The following NLGN1 variants were observed in gnomAD, a reference collection of about 807,000 sequenced individuals.
The protein encoded by NLGN1 is neuroligin-1.
NLGN1 carries 12 observed loss-of-function variants against 65.5 expected under a neutral mutation model. The observed-to-expected ratio is 0.18, with a 90% CI of 0.12 to 0.30. The LOEUF (loss-of-function observed/expected upper bound fraction) is 0.30, where lower values mean the gene tolerates loss of function less well. Ranked by LOEUF, NLGN1 falls within the 10% of genes least tolerant of loss-of-function variation. The pLI is 1.00. For synonymous variants in NLGN1, 350 were observed against 359.5 expected (o/e 0.97, Z 0.30); for missense variants, 750 against 1,007.1 (o/e 0.74, Z 3.46).
exon 3 of NLGN1, chr3:173,604,607 G>T (rs1751070032): frequency 6.2e-7 from 1 of 1,613,338 alleles, no homozygotes; most frequent in Admixed American, 1.7e-5. Flanking sequence ...CCATGGCACT[G>T]CCCAGATGCA....
At chr3:173,463,238 T>C (rs563255614) in intron 2 of NLGN1, among the ~76,000 whole-genome samples, 50 of 152,352 alleles carry the variant, frequency 3.3e-4, no homozygotes, top group Non-Finnish European at 5.9e-4. Context: ...AACTATACTT[T>C]CCCTTAAAAG....
chr3:173,869,066 G>C (rs1228370282), intron 4 of NLGN1, among the ~76,000 whole-genome samples: 1 of 152,098 alleles, frequency 6.6e-6, no homozygotes, highest in Non-Finnish European at 1.5e-5. Context: ...TTTACTAAAT[G>C]ATATTCCATA....
At chr3:174,201,243 G>A (rs1734396332) in intron 4 of NLGN1, among the ~76,000 whole-genome samples, 1 of 145,262 alleles carries the variant, frequency 6.9e-6, no homozygotes, top group Admixed American at 7.1e-5. Context: ...ACCCTCTTTC[G>A]AAAAGAACAG....
At chr3:174,131,248 T>A (rs1299357170) in intron 4 of NLGN1, among the ~76,000 whole-genome samples, 2 of 152,202 alleles carry the variant, frequency 1.3e-5, no homozygotes, top group African/African-American at 4.8e-5. Flanking sequence ...ATACCTATTA[T>A]TTTATCTGAC....
chr3:173,459,991 C>A (rs762227673), intron 2 of NLGN1, among the ~76,000 whole-genome samples: 2 of 151,818 alleles, frequency 1.3e-5, no homozygotes, highest in African/African-American at 2.4e-5. Context: ...ATTGACAATG[C>A]AGAATTATTT....
intron 3 of NLGN1, among the ~76,000 whole-genome samples, chr3:173,728,897 T>C (rs1162974444): frequency 1.3e-5 from 2 of 152,074 alleles, no homozygotes; most frequent in African/African-American, 4.8e-5. Flanking sequence ...TAAATTTCTC[T>C]CATTTTAAGC....
At chr3:173,902,345 G>T (rs1737531840) in intron 4 of NLGN1, among the ~76,000 whole-genome samples, 1 of 152,040 alleles carries the variant, frequency 6.6e-6, no homozygotes, top group South Asian at 2.1e-4. Flanking sequence ...TCCTCAACTG[G>T]TGAGGATTTC....
At chr3:174,115,494 C>T (rs977807211) in intron 4 of NLGN1, among the ~76,000 whole-genome samples, 1 of 152,118 alleles carries the variant, frequency 6.6e-6, no homozygotes, top group Non-Finnish European at 1.5e-5. Flanking sequence ...ATGTGTTACA[C>T]AGATATATAA....
chr3:173,697,809 C>T (rs540187528), intron 3 of NLGN1, among the ~76,000 whole-genome samples: 21 of 152,152 alleles, frequency 1.4e-4, no homozygotes, highest in African/African-American at 3.4e-4. Flanking sequence ...GGATTACAGG[C>T]GTGAGCCACT....
intron 4 of NLGN1, among the ~76,000 whole-genome samples, chr3:173,875,223 A>G (rs532507241): frequency 9.8e-5 from 15 of 152,292 alleles, no homozygotes; most frequent in African/African-American, 3.1e-4. Context: ...GAGTCAGTAT[A>G]AAAACTGAAG....
At chr3:174,100,992 C>A (rs1712316683) in intron 4 of NLGN1, among the ~76,000 whole-genome samples, 1 of 152,082 alleles carries the variant, frequency 6.6e-6, no homozygotes, top group Non-Finnish European at 1.5e-5. Flanking sequence ...AGGCCAAGAG[C>A]ATAACTGTTT....
chr3:173,457,326 GC>G (rs1384361888), intron 2 of NLGN1, among the ~76,000 whole-genome samples: 1 of 152,108 alleles, frequency 6.6e-6, no homozygotes, highest in Non-Finnish European at 1.5e-5. Flanking sequence ...AAGCACAGTT[GC>G]TGCATGTGGT....
chr3:173,741,244 C>A (rs562037997), intron 3 of NLGN1, among the ~76,000 whole-genome samples: 37 of 152,208 alleles, frequency 2.4e-4, no homozygotes, highest in Middle Eastern at 3.4e-3. Context: ...CCTAGCATGG[C>A]ATCTGGCACA....
At chr3:173,406,951 C>T (rs1440993523) in intron 1 of NLGN1, among the ~76,000 whole-genome samples, 16 of 152,052 alleles carry the variant, frequency 1.1e-4, no homozygotes. Context: ...TTGAAGTTCT[C>T]TCATAATACA....
chr3:173,890,959 T>A (rs1211224389), intron 4 of NLGN1, among the ~76,000 whole-genome samples: 1 of 152,182 alleles, frequency 6.6e-6, no homozygotes, highest in Non-Finnish European at 1.5e-5. Context: ...TCCTTCATCA[T>A]TGAGTGTTTA....
chr3:173,968,022 G>A (rs180732117), intron 4 of NLGN1, among the ~76,000 whole-genome samples: 13 of 152,230 alleles, frequency 8.5e-5, no homozygotes, highest in East Asian at 7.7e-4. Flanking sequence ...ATTCAAATGC[G>A]ACTGTAGAGT....
intron 3 of NLGN1, among the ~76,000 whole-genome samples, chr3:173,729,909 T>A (rs1015760195): frequency 6.6e-6 from 1 of 152,062 alleles, no homozygotes; most frequent in African/African-American, 2.4e-5. Context: ...TTTGCATATC[T>A]ATTTGTTTCA....
chr3:174,197,631 A>G lies in NLGN1; in HGVS notation c.647-77684A>G, dbSNP rs531930130. Among the ~76,000 whole-genome samples, 7 of 152,060 alleles carry G rather than the reference A, an allele frequency of 4.6e-5. No individual in the cohort carries two copies. The East Asian group carries it at 1.4e-3, about 29-fold the overall frequency. On this transcript the variant is annotated intron_variant, in intron 4 of 6. Transcript: ENST00000457714. ...ACGCAGCCCTGCCAGTCTATGTTCA[A>G]TGAGGACAATACTTTTCTAAATGCA...
intron 2 of NLGN1, among the ~76,000 whole-genome samples, chr3:173,554,999 A>G (rs1041979835): frequency 1.3e-5 from 2 of 152,326 alleles, no homozygotes; most frequent in African/African-American, 4.8e-5. Flanking sequence ...GCATTACTCC[A>G]ATGACTAAAG....
Sources: gnomAD v4.1 joint callset for allele counts (sites outside exome capture counted in the v4.1 genomes callset) on GRCh38, gnomAD v4.1.1 for gene constraint, MANE v1.5 for transcripts, NCBI Gene and HGNC (gene_info 2026-07-23, HGNC 2026-07-21) for gene names.